Variants in FDPS observed in about 807,000 individuals in gnomAD.
FDPS encodes farnesyl pyrophosphate synthase.
In FDPS, 29 loss-of-function variants were observed where a neutral mutation model predicts 49.5. That is an observed-to-expected ratio of 0.59 (90% CI 0.44 to 0.80). The LOEUF is 0.80. FDPS is among the 30% of genes least tolerant of loss of function. The probability of loss-of-function intolerance (pLI) is 0.00; values close to 1 mark genes in which losing one functional copy is unlikely to be tolerated. For missense variants in FDPS, 414 were observed against 525.6 expected (o/e 0.79, Z 2.08); for synonymous variants, 172 against 206.4 (o/e 0.83, Z 1.43).
chr1:155,317,721 A>T, intron 4 of FDPS: 1 of 501,114 alleles, frequency 2.0e-6, no homozygotes, highest in Non-Finnish European at 3.6e-6. Context: ...GTATGTGCCT[A>T]TGGTCTCAGG....
intron 3 of FDPS, among the ~76,000 whole-genome samples, chr1:155,310,934 TC>T (rs1489765479): frequency 6.6e-6 from 1 of 152,208 alleles, no homozygotes; most frequent in Non-Finnish European, 1.5e-5. Flanking sequence ...CCAATTTTTT[TC>T]CTGTTGATTC....
chr1:155,315,707 CA>C (rs929674291), intron 4 of FDPS, among the ~76,000 whole-genome samples: 4 of 144,280 alleles, frequency 2.8e-5, no homozygotes, highest in Non-Finnish European at 4.6e-5. Context: ...AAACAAAAAA[CA>C]AAAAAAAAAT....
rs1650082836 is a variant in FDPS at position 155,319,869 on chromosome 1, A to G, written c.1000A>G (p.Ser334Gly). 4 of 1,614,180 alleles carry G rather than the reference A, an allele frequency of 2.5e-6. No homozygotes were observed. The highest frequency in any genetic ancestry group is 2.5e-6 in the Non-Finnish European group (3 of 1,180,022). ...IGTDIQDNKC[S>G]WLVVQCLQRA... ...CACTGACATCCAGGACAACAAATGC[A>G]GCTGGCTGGTGGTTCAGTGTCTGCA... Residue 334 changes from serine to glycine, a missense_variant, in exon 10 of 11, where the codon AGC becomes GGC. By Grantham distance (56) the Ser-to-Gly change is moderately conservative. Transcript: ENST00000368356.
chr1:155,309,694 G>T, intron 1 of FDPS, 95 bp from the exon 2 acceptor site: 1 of 1,144,612 alleles, frequency 8.7e-7, no homozygotes, highest in Non-Finnish European at 1.2e-6. Context: ...CTAAGGCTGG[G>T]GTGGGAGTTA....
In FDPS at chr1:155,318,177, G is replaced by A. The variant is rs1465078240; in HGVS notation, c.570G>A (p.Val190=). ...GQICWYQKPG[V]GLDAINDANL... is the part of the protein sequence containing the mutation. ...TCTGTCTGTCATGACAGCCGGGCGT[G>A]GGTTTGGATGCCATCAATGATGCTA... is the stretch of plus-strand genomic sequence containing the variant. Residue 190 remains valine (V), a synonymous_variant, in exon 6 of 11, where the codon GTG becomes GTA. Transcript: ENST00000368356. The surrounding 1 kb of genome is among the most constrained non-coding windows in gnomAD (Gnocchi z 4.2). The A allele has an allele frequency of 6.2e-7, 1 of 1,614,082 alleles. No individual in the cohort carries two copies. The highest frequency in any genetic ancestry group is 8.5e-7 in the Non-Finnish European group (1 of 1,179,998).
chr1:155,319,650 A>G lies in FDPS; in HGVS notation c.886A>G (p.Lys296Glu). The G allele has an allele frequency of 6.2e-7, 1 of 1,614,228 alleles. No individual in the cohort carries two copies. Among genetic ancestry groups the G allele is most frequent in the South Asian group, 1.1e-5 (1 of 91,076 alleles). ...DGEKEHANAKKILLEMGEFFQ... is the reference protein window; with the variant it reads ...DGEKEHANAKEILLEMGEFFQ... ...CGAGAAGGAGCACGCCAATGCCAAGAAGATCCTGCTGGAGATGGGGGAGTT... is the reference window on the plus strand; with the variant it reads ...CGAGAAGGAGCACGCCAATGCCAAGGAGATCCTGCTGGAGATGGGGGAGTT... The change falls in exon 9 of 11, where the codon AAG becomes GAG. Residue 296 changes from lysine to glutamate, a missense_variant. Physicochemically the swap from Lys to Glu is moderately conservative, Grantham distance 56. Coordinates refer to ENST00000368356, the MANE Select transcript of FDPS (RefSeq NM_002004.4).
intron 3 of FDPS, 52 bp downstream of exon 3, chr1:155,310,257 C>T (rs2148231258): frequency 6.3e-7 from 1 of 1,576,796 alleles, no homozygotes; most frequent in Non-Finnish European, 8.7e-7. Flanking sequence ...TTGCTCTGTA[C>T]CTGTGTGGCA....
At chr1:155,314,144 C>T (rs535527748) in intron 4 of FDPS, among the ~76,000 whole-genome samples, 4 of 151,338 alleles carry the variant, frequency 2.6e-5, no homozygotes, top group African/African-American at 4.8e-5. Flanking sequence ...GTTCTTAACC[C>T]TAGCAGCACC....
At chr1:155,313,883 A>G (rs1428457910) in intron 4 of FDPS, among the ~76,000 whole-genome samples, 1 of 152,004 alleles carries the variant, frequency 6.6e-6, no homozygotes, top group Non-Finnish European at 1.5e-5. Flanking sequence ...CAGTGGCACC[A>G]TCTTGGCTCA....
chr1:155,318,970 G>C lies in FDPS; in HGVS notation c.846+42G>C. On this transcript the variant is annotated intron_variant, in intron 8 of 10. Coordinates refer to ENST00000368356, the MANE Select transcript of FDPS (RefSeq NM_002004.4). This position sits in a 1 kb window ranked among gnomAD's most constrained non-coding sequence, Gnocchi z 4.2. ...ACCCCTCTCTGCTCTGCTGATGGGG[G>C]CTTTTGGACAGCAAGGCATAGAGCA... The C allele has an allele frequency of 6.8e-7, 1 of 1,460,298 alleles. No individual in the cohort carries two copies. Among genetic ancestry groups the C allele is most frequent in the Non-Finnish European group, 9.6e-7 (1 of 1,041,628 alleles). 90.5% of individuals were successfully genotyped at this position (1,460,298 alleles called of 1,614,324 possible).
chr1:155,312,541 C>T, intron 4 of FDPS, 146 bp downstream of exon 4: 2 of 818,606 alleles, frequency 2.4e-6, no homozygotes, highest in Non-Finnish European at 3.9e-6. Flanking sequence ...TAGAGTGAAT[C>T]ACTCCAAGGG....
chr1:155,312,463 G>A (rs1395120002), intron 4 of FDPS, 68 bp downstream of exon 4: 18 of 1,232,888 alleles, frequency 1.5e-5, no homozygotes, highest in Non-Finnish European at 1.8e-5. Context: ...GAAGGGGAGG[G>A]ATGGGCCTGA....
chr1:155,320,572 T>G lies in FDPS; in HGVS notation c.1223T>G (p.Leu408Arg), dbSNP rs746437076. The change falls in exon 11 of 11, where the codon CTG becomes CGG. Residue 408 changes from leucine to arginine, a missense_variant. Leu to Arg is a moderately radical substitution (Grantham distance 102, BLOSUM62 -2). Transcript: ENST00000368356. Reference sequence around the variant, plus strand: ...GCACCCCTGCCCCCAGCCGTCTTTCTGGGGCTTGCGCGCAAAATCTACAAG... The same window carrying G: ...GCACCCCTGCCCCCAGCCGTCTTTCGGGGGCTTGCGCGCAAAATCTACAAG... Reference protein sequence around the residue: ...YAAPLPPAVFLGLARKIYKRR... With the variant: ...YAAPLPPAVFRGLARKIYKRR... The G allele has an allele frequency of 8.1e-6, 13 of 1,614,068 alleles. No individual in the cohort carries two copies. Among genetic ancestry groups the G allele is most frequent in the Non-Finnish European group, 1.1e-5 (13 of 1,180,032 alleles).
intron 3 of FDPS, among the ~76,000 whole-genome samples, 159 bp from the exon 4 acceptor site, chr1:155,312,096 G>A (rs1648860536): frequency 6.6e-6 from 1 of 152,218 alleles, no homozygotes; most frequent in Non-Finnish European, 1.5e-5. Flanking sequence ...TTTGGGGAAG[G>A]AGTAAAGACA....
chr1:155,312,487 G>T (rs1037142178), intron 4 of FDPS, 92 bp downstream of exon 4: 10 of 1,411,338 alleles, frequency 7.1e-6, no homozygotes, highest in Non-Finnish European at 9.8e-6. Flanking sequence ...TTATTTCTGG[G>T]TTGTGTTTGT....
At chr1:155,315,738 A>G (rs942621384) in intron 4 of FDPS, among the ~76,000 whole-genome samples, 1 of 151,664 alleles carries the variant, frequency 6.6e-6, no homozygotes, top group Non-Finnish European at 1.5e-5. Context: ...GTGGAGGCAC[A>G]TGCCTATAAT....
intron 4 of FDPS, among the ~76,000 whole-genome samples, chr1:155,313,447 G>T (rs1649005235): frequency 6.6e-6 from 1 of 152,262 alleles, no homozygotes; most frequent in African/African-American, 2.4e-5. Context: ...GAGTGACGAT[G>T]ATGCTGAGTG....
intron 9 of FDPS, 36 bp downstream of exon 9, chr1:155,319,724 C>T: frequency 6.2e-7 from 1 of 1,613,974 alleles, no homozygotes; most frequent in Non-Finnish European, 8.5e-7. Context: ...AGAACAGGCA[C>T]CAGCTTCACT....
At chr1:155,317,684 T>TAA (rs372848001) in intron 4 of FDPS, 50 of 282,968 alleles carry the variant, frequency 1.8e-4, no homozygotes, top group Middle Eastern at 1.1e-3. Flanking sequence ...AAAAATAAAT[T>TAA]AAAAAAAAAA....
Sources: allele counts gnomAD v4.1 joint callset (sites outside exome capture counted in the v4.1 genomes callset), GRCh38; gene constraint gnomAD v4.1.1; non-coding constraint Gnocchi (gnomAD v3.1); transcripts MANE v1.5; gene names NCBI Gene and HGNC (gene_info 2026-07-23, HGNC 2026-07-21).